Variants in ATF2 observed in about 807,000 individuals in gnomAD.
The protein encoded by ATF2 is activating transcription factor 2.
Under a neutral mutation model 60.6 loss-of-function variants are expected in ATF2, and 24 were observed. The observed-to-expected ratio is 0.40, with a 90% CI of 0.29 to 0.56. The LOEUF (loss-of-function observed/expected upper bound fraction) is 0.56, where lower values mean the gene tolerates loss of function less well. ATF2 is among the 20% of genes least tolerant of loss of function. The probability of loss-of-function intolerance (pLI) is 0.54; values close to 1 mark genes in which losing one functional copy is unlikely to be tolerated. For missense variants in ATF2, 433 were observed against 607.7 expected, an observed-to-expected ratio of 0.71 and a Z score of 3.02; for synonymous variants, 206 against 215.4, an observed-to-expected ratio of 0.96 and a Z score of 0.38.
At chr2:175,133,835 CAG>C (rs1389802566) in intron 3 of ATF2, among the ~76,000 whole-genome samples, 1 of 152,060 alleles carries the variant, frequency 6.6e-6, no homozygotes. Flanking sequence ...ATTGATAAAA[CAG>C]ATTTTACTCT....
intron 2 of ATF2, among the ~76,000 whole-genome samples, chr2:175,146,337 G>C (rs1698945558): frequency 6.6e-6 from 1 of 152,096 alleles, no homozygotes; most frequent in Non-Finnish European, 1.5e-5. Context: ...CTTTTTCTAT[G>C]AAGTACATTA....
intron 1 of ATF2, 101 bp downstream of exon 1, chr2:175,167,949 G>T (rs970846477): frequency 2.8e-6 from 1 of 351,830 alleles, no homozygotes; most frequent in African/African-American, 2.1e-5. Flanking sequence ...ATGGGAAACG[G>T]GGGGTGGGGA....
chr2:175,134,740 TTGGGAGGCTGAGG>T (rs1698013252), intron 3 of ATF2, among the ~76,000 whole-genome samples: 1 of 151,844 alleles, frequency 6.6e-6, no homozygotes, highest in African/African-American at 2.4e-5. Flanking sequence ...TCCCAGCACT[TTGGGAGGCTGAGG>T]TGGGAGGATG....
chr2:175,094,182 C>T (rs1694742905), intron 11 of ATF2, among the ~76,000 whole-genome samples: 1 of 151,980 alleles, frequency 6.6e-6, no homozygotes, highest in African/African-American at 2.4e-5. Flanking sequence ...CACTTGAGGT[C>T]AGGAGTTCGA....
chr2:175,105,608 C>T (rs1695600696), intron 10 of ATF2, among the ~76,000 whole-genome samples: 1 of 152,082 alleles, frequency 6.6e-6, no homozygotes, highest in African/African-American at 2.4e-5. Context: ...GAAATAATTT[C>T]TATGCAACAA....
intron 10 of ATF2, among the ~76,000 whole-genome samples, chr2:175,100,276 G>A (rs1008045022): frequency 3.9e-5 from 6 of 152,136 alleles, no homozygotes; most frequent in Non-Finnish European, 8.8e-5. Context: ...TATCTGACTC[G>A]TAAAAGAATT....
chr2:175,125,116 T>G (rs920572736), intron 4 of ATF2, among the ~76,000 whole-genome samples: 1 of 152,054 alleles, frequency 6.6e-6, no homozygotes, highest in Non-Finnish European at 1.5e-5. Flanking sequence ...AAGACCATTG[T>G]GTTAAAGCTG....
intron 10 of ATF2, among the ~76,000 whole-genome samples, chr2:175,100,049 T>C (rs1027366739): frequency 6.6e-6 from 1 of 152,250 alleles, no homozygotes; most frequent in Non-Finnish European, 1.5e-5. Flanking sequence ...GTACCACTTA[T>C]GTAATATCCT....
chr2:175,099,401 C>A (rs1695163710), intron 10 of ATF2, among the ~76,000 whole-genome samples: 1 of 152,090 alleles, frequency 6.6e-6, no homozygotes, highest in Non-Finnish European at 1.5e-5. Context: ...TCGTGCCTGG[C>A]CTCTATTGAA....
chr2:175,074,988 A>G, intron 13 of ATF2, 153 bp from the exon 14 acceptor site: 1 of 1,506,732 alleles, frequency 6.6e-7, no homozygotes, highest in African/African-American at 1.4e-5. Flanking sequence ...GTCATGAAGT[A>G]GGCAATTTTA....
At chr2:175,075,632 A>C (rs1419782236) in intron 13 of ATF2, among the ~76,000 whole-genome samples, 1 of 152,156 alleles carries the variant, frequency 6.6e-6, no homozygotes, top group East Asian at 1.9e-4. Flanking sequence ...GATAACACAC[A>C]AATATTTATA....
rs75590053 is a variant in ATF2 at position 175,114,490 on chromosome 2, T to C, written c.626+200A>G. 7.6e-4 allele frequency: 977 copies of C among 1,288,938 alleles called. 7 individuals are homozygous for C. The African/African-American group carries it at 0.013, about 17-fold the overall frequency. The allele number at this position is 1,288,938 out of a possible 1,614,324, so 79.8% of individuals were successfully genotyped here. A position where few individuals can be genotyped will look rare whatever the true frequency, so the allele number is the denominator to read the frequency against. ...TCTTAAATTCACATTCTATATTTGT[T>C]TTTAGTTGTATTTATCTCCCACTCT... is the stretch of plus-strand genomic sequence containing the variant. On this transcript the variant is annotated intron_variant, in intron 8 of 13. Transcript: ENST00000264110.
At chr2:175,108,328 T>C (rs1248145275) in intron 10 of ATF2, among the ~76,000 whole-genome samples, 1 of 142,138 alleles carries the variant, frequency 7.0e-6, no homozygotes, top group African/African-American at 2.7e-5. Flanking sequence ...AGGTGGGGGG[T>C]CAACCCCCGC....
chr2:175,130,020 C>A, intron 4 of ATF2, 118 bp downstream of exon 4: 1 of 795,716 alleles, frequency 1.3e-6, no homozygotes, highest in Non-Finnish European at 1.8e-6. Context: ...TTTTTTCATC[C>A]TAACTCTAAA....
At chr2:175,109,168 TAA>T (rs66812318) in intron 10 of ATF2, among the ~76,000 whole-genome samples, 9,161 of 82,364 alleles carry the variant, frequency 0.11, 120 homozygotes, top group Middle Eastern at 0.28. Context: ...GAATGATCAA[TAA>T]AAAAAAAAAA....
At chr2:175,089,712 T>G (rs1240045785) in intron 12 of ATF2, among the ~76,000 whole-genome samples, 2 of 152,176 alleles carry the variant, frequency 1.3e-5, no homozygotes, top group African/African-American at 2.4e-5. Flanking sequence ...CTTATTTTAC[T>G]TGACAAATAA....
chr2:175,126,900 T>A (rs1195460684), intron 4 of ATF2: 1 of 152,150 alleles, frequency 6.6e-6, no homozygotes, highest in African/African-American at 2.4e-5. Flanking sequence ...ATTTGAGTAA[T>A]ACTATCTCTC....
At chr2:175,077,781 C>T (rs1450532862) in intron 13 of ATF2, among the ~76,000 whole-genome samples, 1 of 152,102 alleles carries the variant, frequency 6.6e-6, no homozygotes, top group Non-Finnish European at 1.5e-5. Context: ...AATACCTTTA[C>T]AATGTGATAT....
At chr2:175,096,906 TAGG>T (rs1574353517) in intron 11 of ATF2, among the ~76,000 whole-genome samples, 2 of 152,298 alleles carry the variant, frequency 1.3e-5, no homozygotes, top group African/African-American at 4.8e-5. Context: ...TTTGGTTACA[TAGG>T]AGAACAGTTC....
Sources: gnomAD v4.1 joint callset for allele counts (sites outside exome capture counted in the v4.1 genomes callset) on GRCh38, gnomAD v4.1.1 for gene constraint, MANE v1.5 for transcripts, NCBI Gene and HGNC (gene_info 2026-07-23, HGNC 2026-07-21) for gene names.